Variants in MAF observed in about 807,000 individuals in gnomAD.
The protein encoded by MAF is MAF bZIP transcription factor.
MAF carries 10 observed loss-of-function variants against 22.0 expected under a neutral mutation model. That is an observed-to-expected ratio of 0.45 (90% confidence interval 0.28 to 0.77). MAF has a LOEUF of 0.77. Among genes scored for constraint, MAF ranks in the 30% least tolerant of loss-of-function variants. The probability of loss-of-function intolerance (pLI) is 0.12; values close to 1 mark genes in which losing one functional copy is unlikely to be tolerated. For synonymous variants in MAF, 337 were observed against 255.8 expected (o/e 1.32, Z -3.03); for missense variants, 544 against 548.4 (o/e 0.99, Z 0.08).
chr16:79,559,292 AC>A, the MAF span, among the ~76,000 whole-genome samples: 2 of 152,288 alleles, frequency 1.3e-5, no homozygotes, highest in South Asian at 4.2e-4. Flanking sequence ...TTGGTTTACC[AC>A]TTGAATCAGC....
chr16:79,327,566 G>A, the MAF span, among the ~76,000 whole-genome samples: 4 of 152,172 alleles, frequency 2.6e-5, no homozygotes, highest in African/African-American at 9.7e-5. Flanking sequence ...CTTGCTATAG[G>A]TGAGTCAGCT....
At chr16:79,326,589 G>C in the MAF span, among the ~76,000 whole-genome samples, 1 of 152,172 alleles carries the variant, frequency 6.6e-6, no homozygotes, top group Non-Finnish European at 1.5e-5. Context: ...TGGAAAACTT[G>C]TTCTGTAAAA....
At chr16:79,313,799 A>T in the MAF span, among the ~76,000 whole-genome samples, 1 of 152,080 alleles carries the variant, frequency 6.6e-6, no homozygotes, top group Non-Finnish European at 1.5e-5. Context: ...CAGCCAATAG[A>T]TGTCAAGGGC....
chr16:79,409,406 T>C, the MAF span, among the ~76,000 whole-genome samples: 1 of 152,216 alleles, frequency 6.6e-6, no homozygotes, highest in Non-Finnish European at 1.5e-5. Flanking sequence ...AATTGAAGGC[T>C]GAGAGACATC....
the MAF span, among the ~76,000 whole-genome samples, chr16:79,484,297 T>C: frequency 2.4e-4 from 37 of 152,262 alleles, no homozygotes; most frequent in South Asian, 7.7e-3. Flanking sequence ...ACAAGGCTGG[T>C]GTGACAATGC....
the MAF span, among the ~76,000 whole-genome samples, chr16:79,284,922 C>T: frequency 1.3e-5 from 2 of 152,308 alleles, no homozygotes; most frequent in South Asian, 4.1e-4. Context: ...CAGTCCAAGC[C>T]TGGATTTCCA....
chr16:79,289,835 G>A, the MAF span, among the ~76,000 whole-genome samples: 1 of 140,716 alleles, frequency 7.1e-6, no homozygotes, highest in South Asian at 2.3e-4. Flanking sequence ...TGAACAAAAG[G>A]CAGGATGTTT....
the MAF span, among the ~76,000 whole-genome samples, chr16:79,511,688 G>T: frequency 5.3e-5 from 8 of 152,234 alleles, 1 homozygote; most frequent in South Asian, 4.2e-4. Flanking sequence ...TCACCAATCG[G>T]CATTCAGTAG....
chr16:79,505,391 G>A, the MAF span, among the ~76,000 whole-genome samples: 5,869 of 152,232 alleles, frequency 0.039, 366 homozygotes, highest in African/African-American at 0.13. Flanking sequence ...AGGCTGGTTT[G>A]TCCTTGTCCC....
At chr16:79,562,600 C>T in the MAF span, among the ~76,000 whole-genome samples, 1 of 152,194 alleles carries the variant, frequency 6.6e-6, no homozygotes, top group African/African-American at 2.4e-5. Flanking sequence ...TGTCCCTGAA[C>T]ACAGACCTAA....
chr16:79,444,945 ACG>A, the MAF span, among the ~76,000 whole-genome samples: 3 of 152,212 alleles, frequency 2.0e-5, no homozygotes, highest in Non-Finnish European at 4.4e-5. Context: ...AAAGCCTGCT[ACG>A]TGTATGTGAG....
the MAF span, among the ~76,000 whole-genome samples, chr16:79,424,234 G>A: frequency 3.3e-5 from 5 of 152,170 alleles, no homozygotes; most frequent in Admixed American, 3.3e-4. Context: ...AAATAATAAT[G>A]AAGCTTTGCC....
At chr16:79,552,374 A>C in the MAF span, among the ~76,000 whole-genome samples, 1 of 151,822 alleles carries the variant, frequency 6.6e-6, no homozygotes, top group African/African-American at 2.4e-5. Flanking sequence ...ATCCAGCTTA[A>C]TTGTTTATTT....
At chr16:79,311,791 G>A in the MAF span, among the ~76,000 whole-genome samples, 17 of 152,292 alleles carry the variant, frequency 1.1e-4, no homozygotes, top group East Asian at 3.1e-3. Context: ...CAGGGCCACT[G>A]AGTACTGCAA....
At chr16:79,252,040 C>G in the MAF span, among the ~76,000 whole-genome samples, 20 of 152,350 alleles carry the variant, frequency 1.3e-4, no homozygotes, top group South Asian at 1.0e-3. Flanking sequence ...TTTGGAAACC[C>G]ACTGGTCTAT....
the MAF span, among the ~76,000 whole-genome samples, chr16:79,342,694 A>C: frequency 2.0e-5 from 3 of 152,318 alleles, no homozygotes; most frequent in East Asian, 3.9e-4. Context: ...AAAGCTAACA[A>C]TGAAATAGAT....
chr16:79,548,607 T>C, the MAF span, among the ~76,000 whole-genome samples: 1 of 152,210 alleles, frequency 6.6e-6, no homozygotes, highest in Admixed American at 6.5e-5. Context: ...ATGAAGAGTC[T>C]TGTGTTTTTC....
chr16:79,360,221 C>T, the MAF span, among the ~76,000 whole-genome samples: 1 of 152,160 alleles, frequency 6.6e-6, no homozygotes, highest in South Asian at 2.1e-4. Flanking sequence ...TTGCTCTCCC[C>T]ATCTTTTTGA....
chr16:79,397,674 T>G, the MAF span, among the ~76,000 whole-genome samples: 1 of 152,320 alleles, frequency 6.6e-6, no homozygotes, highest in East Asian at 1.9e-4. Context: ...CTGCCCTTCC[T>G]GGACCCTGTG....
Sources: gnomAD v4.1 joint callset for allele counts (sites outside exome capture counted in the v4.1 genomes callset) on GRCh38, gnomAD v4.1.1 for gene constraint, MANE v1.5 for transcripts, NCBI Gene and HGNC (gene_info 2026-07-23, HGNC 2026-07-21) for gene names.